The following FRMPD4 variants were observed in gnomAD, a reference collection of about 807,000 sequenced individuals.
FRMPD4 encodes the protein FERM and PDZ domain containing 4, also known as FERM and PDZ domain-containing protein 4.
FRMPD4 carries 22 observed loss-of-function variants against 94.1 expected under a neutral mutation model. The ratio of observed to expected loss-of-function variants is 0.23; its 90% CI spans 0.17 to 0.33. The LOEUF (loss-of-function observed/expected upper bound fraction) is 0.33, where lower values mean the gene tolerates loss of function less well. Ranked by LOEUF, FRMPD4 falls within the 10% of genes least tolerant of loss-of-function variation. The pLI is 1.00. For missense variants in FRMPD4, 1,111 were observed against 1,339.9 expected, an observed-to-expected ratio of 0.83 and a Z score of 2.67; for synonymous variants, 631 against 548.6, an observed-to-expected ratio of 1.15 and a Z score of -2.10.
intron 3 of FRMPD4, among the ~76,000 whole-genome samples, chrX:11,905,222 C>T (rs768586458): frequency 8.0e-5 from 9 of 111,856 alleles, no homozygotes; most frequent in African/African-American, 2.9e-4. Flanking sequence ...TGGAAGGATA[C>T]CTCCTCCGCA....
chrX:11,866,064 G>T (rs2053717034), intron 2 of FRMPD4, among the ~76,000 whole-genome samples: 1 of 111,775 alleles, frequency 8.9e-6, no homozygotes, highest in Non-Finnish European at 1.9e-5. Flanking sequence ...GAGCAGAGAG[G>T]GTGGGCTTTT....
At chrX:11,895,011 A>G (rs1367736248) in intron 3 of FRMPD4, among the ~76,000 whole-genome samples, 2 of 112,551 alleles carry the variant, frequency 1.8e-5, no homozygotes, top group South Asian at 3.7e-4. Flanking sequence ...GAGGGTTATC[A>G]GTAAAAGGTC....
At chrX:12,017,619 C>T (rs1244372245) in intron 3 of FRMPD4, among the ~76,000 whole-genome samples, 3 of 111,893 alleles carry the variant, frequency 2.7e-5, no homozygotes, top group Non-Finnish European at 5.6e-5. Flanking sequence ...TTAATTTCTC[C>T]TCTATTTTTT....
At chrX:12,250,264 C>T (rs1167120343) in intron 1 of FRMPD4, among the ~76,000 whole-genome samples, 1 of 111,141 alleles carries the variant, frequency 9.0e-6, no homozygotes, top group African/African-American at 3.3e-5. Flanking sequence ...GTTTGTGGAG[C>T]AAGTTATAAC....
intron 1 of FRMPD4, among the ~76,000 whole-genome samples, chrX:12,454,069 G>C (rs1018563082): frequency 8.9e-6 from 1 of 112,063 alleles, no homozygotes; most frequent in Non-Finnish European, 1.9e-5. Context: ...TTTTAAAAAG[G>C]CAGAAGAAAA....
chrX:11,910,076 C>T (rs2053988604), intron 3 of FRMPD4, among the ~76,000 whole-genome samples: 1 of 111,827 alleles, frequency 8.9e-6, no homozygotes, highest in Non-Finnish European at 1.9e-5. Context: ...TTTCTGCTTA[C>T]ATGTTATTAT....
At chrX:11,862,553 G>A (rs765069995) in intron 1 of FRMPD4, among the ~76,000 whole-genome samples, 36 of 110,721 alleles carry the variant, frequency 3.3e-4, no homozygotes, top group African/African-American at 1.1e-3. Context: ...TTGTGTCAGG[G>A]CTCCAGCTCC....
At chrX:12,539,781 G>A in intron 2 of FRMPD4, among the ~76,000 whole-genome samples, 1 of 111,143 alleles carries the variant, frequency 9.0e-6, no homozygotes, top group East Asian at 2.8e-4. Context: ...CTACAGGCAT[G>A]TGCTACTACG....
intron 1 of FRMPD4, among the ~76,000 whole-genome samples, chrX:12,382,081 G>A (rs180969553): frequency 1.1e-3 from 121 of 111,201 alleles, no homozygotes; most frequent in African/African-American, 3.8e-3. Context: ...AAAGTCTAGT[G>A]GTGAAGGCAG....
intron 1 of FRMPD4, among the ~76,000 whole-genome samples, chrX:12,309,900 G>T (rs2055004658): frequency 1.8e-5 from 2 of 112,326 alleles, no homozygotes; most frequent in Non-Finnish European, 3.8e-5. Context: ...GTTGCTGATT[G>T]AATCACAAAG....
intron 3 of FRMPD4, among the ~76,000 whole-genome samples, chrX:12,012,761 T>C (rs905445077): frequency 8.9e-6 from 1 of 112,590 alleles, no homozygotes; most frequent in Non-Finnish European, 1.9e-5. Flanking sequence ...GTTTATAACT[T>C]ATTGTTTTGT....
chrX:12,453,915 T>A (rs759622248), intron 1 of FRMPD4, among the ~76,000 whole-genome samples: 1 of 112,373 alleles, frequency 8.9e-6, no homozygotes, highest in South Asian at 3.7e-4. Flanking sequence ...AACCAAAAGG[T>A]TGACATTCAA....
Position 12,706,921 on chromosome X carries a change from T to C in FRMPD4, c.1287+6T>C. On this transcript the variant is annotated splice_donor_region_variant and intron_variant, in intron 12 of 16. Transcript: ENST00000675598. ...TGTTCAAGGCAACATTAGTGGTAAT[T>C]TCTTTTTTTTTTTTTTTTTTGCTTT... is the stretch of plus-strand genomic sequence containing the variant. The C allele has an allele frequency of 1.1e-6, 1 of 950,788 alleles. No homozygotes were observed. Among genetic ancestry groups the C allele is most frequent in the Non-Finnish European group, 1.5e-6 (1 of 689,452 alleles). 78.4% of individuals were successfully genotyped at this position (950,788 alleles called of 1,213,427 possible).
intron 3 of FRMPD4, among the ~76,000 whole-genome samples, chrX:12,045,395 C>T (rs1289464597): frequency 9.0e-6 from 1 of 111,696 alleles, no homozygotes; most frequent in Non-Finnish European, 1.9e-5. Flanking sequence ...TTATTACTTA[C>T]TTCTTGGGGT....
intron 2 of FRMPD4, among the ~76,000 whole-genome samples, chrX:12,581,933 A>G (rs1397130165): frequency 9.0e-6 from 1 of 110,774 alleles, no homozygotes; most frequent in African/African-American, 3.3e-5. Flanking sequence ...TTCCTATGTT[A>G]TTTTCCTCCA....
intron 3 of FRMPD4, among the ~76,000 whole-genome samples, chrX:12,053,255 C>T (rs1312137286): frequency 2.8e-5 from 3 of 106,875 alleles, no homozygotes; most frequent in Non-Finnish European, 5.8e-5. Context: ...AGGAGAACCA[C>T]TTGAACCCGG....
intron 1 of FRMPD4, among the ~76,000 whole-genome samples, chrX:12,265,476 T>A (rs564496734): frequency 8.9e-6 from 1 of 112,075 alleles, no homozygotes; most frequent in South Asian, 3.8e-4. Context: ...TGCTAGATGA[T>A]GACAGTGAGC....
In FRMPD4 at chrX:12,057,716, G is replaced by A. The variant is rs185157293; in HGVS notation, c.95+179698G>A. Among the ~76,000 whole-genome samples, 28 of 110,899 alleles carry A rather than the reference G, an allele frequency of 2.5e-4. No homozygotes were observed. The East Asian group carries it at 7.7e-3, about 30-fold the overall frequency. ...GCCACCAAGAGGGTGACGAGCCTGG[G>A]GATCACCTTAGAATTCTGTCTTTCC... On this transcript the variant is annotated intron_variant, in intron 3 of 18. Transcript: ENST00000640291.
At chrX:12,674,936 C>T in intron 5 of FRMPD4, 28 bp downstream of exon 5, 1 of 970,340 alleles carries the variant, frequency 1.0e-6, no homozygotes, top group Non-Finnish European at 1.5e-6. Flanking sequence ...AAAAGTGCCA[C>T]TTAATGTTCT....
Sources: allele counts gnomAD v4.1 joint callset (sites outside exome capture counted in the v4.1 genomes callset), GRCh38; gene constraint gnomAD v4.1.1; transcripts MANE v1.5; gene names NCBI Gene and HGNC (gene_info 2026-07-23, HGNC 2026-07-21).